The following ADARB2 variants were observed in gnomAD, a reference collection of about 807,000 sequenced individuals.
The protein encoded by ADARB2 is inactive double-stranded RNA-specific editase B2.
In ADARB2, 25 loss-of-function variants were observed where a neutral mutation model predicts 62.2. The ratio of observed to expected loss-of-function variants is 0.40; its 90% CI spans 0.29 to 0.56. The LOEUF is 0.56. Ranked by LOEUF, ADARB2 falls within the 20% of genes least tolerant of loss-of-function variation. ADARB2 has a pLI of 0.43. For missense variants in ADARB2, 1,071 were observed against 1,077.4 expected (o/e 0.99, Z 0.08); for synonymous variants, 572 against 500.8 (o/e 1.14, Z -1.90).
At chr10:1,647,494 CAT>C (rs560744702) in intron 1 of ADARB2, among the ~76,000 whole-genome samples, 389 of 151,936 alleles carry the variant, frequency 2.6e-3, no homozygotes, top group Non-Finnish European at 4.1e-3. Context: ...TGTGTATATA[CAT>C]GTGTATATAT....
At chr10:1,291,883 G>T (rs77087797) in intron 3 of ADARB2, 2,790 of 152,554 alleles carry the variant, frequency 0.018, 45 homozygotes, top group South Asian at 0.055. Flanking sequence ...GGACCCCGAG[G>T]CCTGGCTGGG....
intron 1 of ADARB2, among the ~76,000 whole-genome samples, chr10:1,501,708 T>A (rs1397562595): frequency 6.6e-6 from 1 of 152,212 alleles, no homozygotes; most frequent in East Asian, 1.9e-4. Context: ...AAATGTAAAC[T>A]AGCCAGGGGA....
chr10:1,661,228 C>T (rs893694845), intron 1 of ADARB2, among the ~76,000 whole-genome samples: 2 of 152,184 alleles, frequency 1.3e-5, no homozygotes, highest in African/African-American at 2.4e-5. Context: ...CTTTCTTTAA[C>T]TCTTACACAT....
chr10:1,272,881 A>T (rs1011091433), intron 3 of ADARB2, among the ~76,000 whole-genome samples: 1 of 152,232 alleles, frequency 6.6e-6, no homozygotes, highest in South Asian at 2.1e-4. Flanking sequence ...GGAGGCAGAG[A>T]TCTGAGACTG....
chr10:1,270,719 C>T lies in ADARB2; in HGVS notation c.1192+236G>A, dbSNP rs192928189. 3.4e-3 allele frequency among the ~76,000 whole-genome samples: 515 copies of T among 152,326 alleles called. 4 individuals carry two copies. Among genetic ancestry groups the T allele is most frequent in the Non-Finnish European group, 5.8e-3 (397 of 68,026 alleles). On this transcript the variant is annotated intron_variant, in intron 4 of 9. Coordinates refer to ENST00000381312, the MANE Select transcript of ADARB2 (RefSeq NM_018702.4). ...AGGGGCTGGCCAGGCCCCCCAGAGA[C>T]GGGGGATGCCCAAGCAGAGCTGGGC...
rs569693104 is a variant in ADARB2, at chr10:1,457,971, A to G, written c.101-78811T>C. ...TTCACATCAAAGCCTCCAAGAACGTAACCATTTGCCTCATTGCTTACCCTC... is the reference window on the plus strand; with the variant it reads ...TTCACATCAAAGCCTCCAAGAACGTGACCATTTGCCTCATTGCTTACCCTC... On this transcript the variant is annotated intron_variant, in intron 1 of 9. Coordinates refer to ENST00000381312, the MANE Select transcript of ADARB2 (RefSeq NM_018702.4). Among the ~76,000 whole-genome samples the G allele has an allele frequency of 1.7e-4, 25 of 150,748 alleles. No homozygotes were observed. The South Asian group carries it at 2.7e-3, about 17-fold the overall frequency.
intron 1 of ADARB2, among the ~76,000 whole-genome samples, chr10:1,518,167 C>G (rs1832029773): frequency 6.6e-6 from 1 of 152,330 alleles, no homozygotes. Flanking sequence ...CCGAAACTCC[C>G]CGATCAGATC....
chr10:1,476,286 G>A (rs1017929191), intron 1 of ADARB2, among the ~76,000 whole-genome samples: 1 of 152,008 alleles, frequency 6.6e-6, no homozygotes, highest in Admixed American at 6.5e-5. Flanking sequence ...TGTGGAGGTC[G>A]AGGTCCAGCC....
At chr10:1,494,670 G>A (rs192144872) in intron 1 of ADARB2, among the ~76,000 whole-genome samples, 25 of 152,220 alleles carry the variant, frequency 1.6e-4, no homozygotes, top group African/African-American at 6.0e-4. Flanking sequence ...ACAGTAACAT[G>A]TCATTTTAGA....
chr10:1,735,932 A>G (rs1191556933), intron 1 of ADARB2, among the ~76,000 whole-genome samples: 2 of 152,226 alleles, frequency 1.3e-5, no homozygotes, highest in African/African-American at 4.8e-5. Context: ...GTCTGGTAGA[A>G]ACTTATCTTA....
chr10:1,440,784 G>A (rs1830896234), intron 1 of ADARB2, among the ~76,000 whole-genome samples: 2 of 152,216 alleles, frequency 1.3e-5, no homozygotes, highest in Admixed American at 1.3e-4. Context: ...TGAAATGCCA[G>A]GAGATGAAAC....
At chr10:1,585,421 C>T (rs1833162770) in intron 1 of ADARB2, among the ~76,000 whole-genome samples, 4 of 152,176 alleles carry the variant, frequency 2.6e-5, no homozygotes, top group Admixed American at 2.6e-4. Flanking sequence ...TCGTGATTTG[C>T]CCACAAGGAA....
At chr10:1,337,062 C>CTGTG (rs145511384) in intron 3 of ADARB2, among the ~76,000 whole-genome samples, 10,382 of 142,016 alleles carry the variant, frequency 0.073, 642 homozygotes, top group African/African-American at 0.19. Flanking sequence ...TTAAAGATTT[C>CTGTG]TGTGTGTGTG....
In ADARB2 at chr10:1,379,062, G is replaced by C; in HGVS notation, c.187+12C>G. On this transcript the variant is annotated intron_variant, in intron 2 of 9. Coordinates refer to ENST00000381312, the MANE Select transcript of ADARB2 (RefSeq NM_018702.4). ...GGGCCTTTGTGTACTTCGGGGAAGG[G>C]AAGTTGCTTACTGAGGGTGTCGTCA... 1.9e-6 allele frequency: 3 copies of C among 1,608,058 alleles called. No homozygotes were observed. Among genetic ancestry groups the C allele is most frequent in the Non-Finnish European group, 2.6e-6 (3 of 1,174,552 alleles).
At chr10:1,582,262 C>T (rs1334395469) in intron 1 of ADARB2, among the ~76,000 whole-genome samples, 1 of 152,110 alleles carries the variant, frequency 6.6e-6, no homozygotes, top group Admixed American at 6.6e-5. Context: ...AGTGACGTGA[C>T]CCTGCGTTAC....
chr10:1,566,935 TGAA>T (rs1475972090), intron 1 of ADARB2, among the ~76,000 whole-genome samples: 1 of 151,926 alleles, frequency 6.6e-6, no homozygotes, highest in Admixed American at 6.6e-5. Flanking sequence ...AGATCAGAAA[TGAA>T]GAAGTATAAA....
chr10:1,371,938 G>C (rs1051875334), intron 2 of ADARB2, among the ~76,000 whole-genome samples: 2 of 152,092 alleles, frequency 1.3e-5, no homozygotes, highest in African/African-American at 2.4e-5. Context: ...ACCACCATTT[G>C]ACCCAGCAAT....
At chr10:1,735,644 T>C (rs1305336674) in intron 1 of ADARB2, among the ~76,000 whole-genome samples, 4 of 152,226 alleles carry the variant, frequency 2.6e-5, no homozygotes, top group African/African-American at 9.7e-5. Flanking sequence ...CAGGTCTGTT[T>C]CAAAATGATA....
In ADARB2 at chr10:1,481,646, C is replaced by T. The variant is rs569073140; in HGVS notation, c.101-102486G>A. On this transcript the variant is annotated intron_variant, in intron 1 of 9. Transcript: ENST00000381312. ...AGCTGAAGTGTGCGGATCACGAGGT[C>T]AGGAGTTCAAGACCAGCCTGGCCAA... Among the ~76,000 whole-genome samples, 1,136 of 151,562 alleles carry T rather than the reference C, an allele frequency of 7.5e-3. 3 individuals carry two copies. Among genetic ancestry groups the T allele is most frequent in the Non-Finnish European group, 0.012 (826 of 67,928 alleles).
Sources: allele counts gnomAD v4.1 joint callset (sites outside exome capture counted in the v4.1 genomes callset), GRCh38; gene constraint gnomAD v4.1.1; transcripts MANE v1.5; gene names NCBI Gene and HGNC (gene_info 2026-07-23, HGNC 2026-07-21).